PAPSS1: variants seen among roughly 807,000 people sequenced by gnomAD.
PAPSS1 encodes 3'-phosphoadenosine 5'-phosphosulfate synthase 1.
In PAPSS1, 50 loss-of-function variants were observed where a neutral mutation model predicts 72.0. The observed-to-expected ratio is 0.69, with a 90% CI of 0.55 to 0.88. The LOEUF (loss-of-function observed/expected upper bound fraction) is 0.88. PAPSS1 is among the 40% of genes least tolerant of loss of function. The pLI, the probability that PAPSS1 is intolerant of heterozygous loss-of-function variation, is 0.00. For synonymous variants in PAPSS1, 261 were observed against 263.6 expected, an observed-to-expected ratio of 0.99 and a Z score of 0.09; for missense variants, 657 against 782.2, an observed-to-expected ratio of 0.84 and a Z score of 1.91.
chr4:107,655,663 C>A (rs930342048), intron 7 of PAPSS1, among the ~76,000 whole-genome samples: 4 of 152,160 alleles, frequency 2.6e-5, no homozygotes, highest in African/African-American at 9.7e-5. Flanking sequence ...TTTTGGACAT[C>A]ATGGCATATC....
Position 107,614,287 on chromosome 4 carries a change from C to G in PAPSS1, c.1837G>C (p.Val613Leu). The G allele has an allele frequency of 6.2e-7, 1 of 1,613,892 alleles. No homozygotes were observed. The highest frequency in any genetic ancestry group is 8.5e-7 in the Non-Finnish European group (1 of 1,179,850). The change falls in exon 12 of 12, where the codon GTG becomes CTG. Residue 613 changes from valine (V) to leucine (L), a missense_variant. By Grantham distance (32) the Val-to-Leu change is conservative (BLOSUM62 1). Coordinates refer to ENST00000265174, the MANE Select transcript of PAPSS1 (RefSeq NM_005443.5). ...EGFMAPKAWT[V>L]LTEYYKSLEK... ...AAGGATTTGTAGTATTCTGTCAGCA[C>G]GGTCCAAGCCTTGGGAGCCATGAAA...
At chr4:107,654,636 A>C in intron 8 of PAPSS1, 59 bp downstream of exon 8, 1 of 1,389,528 alleles carries the variant, frequency 7.2e-7, no homozygotes, top group Non-Finnish European at 1.0e-6. Context: ...AAATGCCCAC[A>C]TTTCAGCACA....
rs927531914 is a variant in PAPSS1 at position 107,634,953 on chromosome 4, A to T, written c.1507-3093T>A. Among the ~76,000 whole-genome samples, 13 of 151,258 alleles carry T rather than the reference A, an allele frequency of 8.6e-5. No individual in the cohort carries two copies. In the East Asian group the frequency reaches 1.6e-3, roughly 18 times the overall value. On this transcript the variant is annotated intron_variant, in intron 10 of 11. Coordinates refer to ENST00000265174, the MANE Select transcript of PAPSS1 (RefSeq NM_005443.5). Reference sequence around the variant, plus strand: ...GCTGGGACTACAGGCGCCCGCTACCACGCCCAGCTAATTTTTTTGTATTTT... The same window carrying T: ...GCTGGGACTACAGGCGCCCGCTACCTCGCCCAGCTAATTTTTTTGTATTTT...
At chr4:107,619,560 A>T (rs560339100) in intron 11 of PAPSS1, among the ~76,000 whole-genome samples, 5 of 151,472 alleles carry the variant, frequency 3.3e-5, no homozygotes, top group African/African-American at 4.9e-5. Context: ...TATTTTACAG[A>T]AATAACTAAA....
At position 107,685,753 on chromosome 4, in the gene PAPSS1, T is replaced by A. The variant is rs142827193; in HGVS notation, c.550+1286A>T. 1.5e-3 allele frequency among the ~76,000 whole-genome samples: 232 copies of A among 152,292 alleles called. 1 individual carries two copies. Among genetic ancestry groups the A allele is most frequent in the Non-Finnish European group, 2.5e-3 (170 of 68,030 alleles). ...GAACCTGACCTAATTGCCAAAGCAT[T>A]CCCAGGTTCAAATACAGAAGAACCC... On this transcript the variant is annotated intron_variant, in intron 4 of 11. Transcript: ENST00000265174.
intron 1 of PAPSS1, among the ~76,000 whole-genome samples, chr4:107,701,738 A>G (rs549049992): frequency 6.6e-6 from 1 of 152,354 alleles, no homozygotes; most frequent in Non-Finnish European, 1.5e-5. Context: ...TAAACCAATA[A>G]AACTTAACTA....
intron 11 of PAPSS1, among the ~76,000 whole-genome samples, chr4:107,615,212 C>A (rs527844993): frequency 6.6e-6 from 1 of 152,186 alleles, no homozygotes; most frequent in African/African-American, 2.4e-5. Flanking sequence ...GCCCTCAAAC[C>A]AGTAAGCACA....
intron 1 of PAPSS1, among the ~76,000 whole-genome samples, chr4:107,712,391 G>A (rs1723516888): frequency 6.6e-6 from 1 of 152,186 alleles, no homozygotes; most frequent in African/African-American, 2.4e-5. Context: ...ACACAGTGAG[G>A]CATTCACCAC....
At chr4:107,682,224 G>A in intron 4 of PAPSS1, 91 bp from the exon 5 acceptor site, 2 of 612,188 alleles carry the variant, frequency 3.3e-6, no homozygotes, top group Non-Finnish European at 5.7e-6. Flanking sequence ...ATTGAAGTTA[G>A]TATCTGCGCT....
intron 2 of PAPSS1, among the ~76,000 whole-genome samples, chr4:107,698,383 C>T (rs1723122954): frequency 6.6e-6 from 1 of 152,196 alleles, no homozygotes. Context: ...GAATACTGCA[C>T]ACATCAGGTG....
intron 11 of PAPSS1, among the ~76,000 whole-genome samples, chr4:107,620,313 T>A (rs1437269661): frequency 6.6e-6 from 1 of 152,210 alleles, no homozygotes; most frequent in Non-Finnish European, 1.5e-5. Context: ...ACATTAAGCA[T>A]TCTTAAGACT....
At chr4:107,683,990 C>T (rs56396433) in intron 4 of PAPSS1, among the ~76,000 whole-genome samples, 43,165 of 141,176 alleles carry the variant, frequency 0.31, 7,306 homozygotes, top group Middle Eastern at 0.53. Context: ...ACACATTAAC[C>T]TAAGGAACAT....
At chr4:107,615,050 G>A (rs1466240311) in intron 11 of PAPSS1, among the ~76,000 whole-genome samples, 1 of 150,494 alleles carries the variant, frequency 6.6e-6, no homozygotes, top group Non-Finnish European at 1.5e-5. Flanking sequence ...AATCTGAAAG[G>A]CTAAATTAAT....
intron 3 of PAPSS1, among the ~76,000 whole-genome samples, chr4:107,693,093 C>T (rs1157234204): frequency 6.6e-6 from 1 of 152,010 alleles, no homozygotes; most frequent in African/African-American, 2.4e-5. Flanking sequence ...CCATGGCACA[C>T]GTTTACCAAT....
chr4:107,706,694 T>C (rs1207035690), intron 1 of PAPSS1, among the ~76,000 whole-genome samples: 1 of 152,214 alleles, frequency 6.6e-6, no homozygotes, highest in Admixed American at 6.5e-5. Flanking sequence ...CATTTCTTGT[T>C]GTCTTATATC....
chr4:107,648,149 A>G (rs1255290843), intron 9 of PAPSS1, among the ~76,000 whole-genome samples: 3 of 152,188 alleles, frequency 2.0e-5, no homozygotes, highest in East Asian at 1.9e-4. Flanking sequence ...CCAGGAGCCA[A>G]TACACTAAGG....
intron 10 of PAPSS1, among the ~76,000 whole-genome samples, chr4:107,643,174 T>G (rs1272014998): frequency 6.6e-6 from 1 of 152,136 alleles, no homozygotes; most frequent in East Asian, 1.9e-4. Context: ...AAAGAGTATA[T>G]GCGGTATGAT....
At chr4:107,645,515 A>G (rs1334457870) in intron 9 of PAPSS1, among the ~76,000 whole-genome samples, 2 of 152,216 alleles carry the variant, frequency 1.3e-5, no homozygotes, top group East Asian at 3.8e-4. Flanking sequence ...AGAGAAATAT[A>G]TTTGTAGTTT....
At chr4:107,626,853 C>A (rs1160696262) in intron 11 of PAPSS1, among the ~76,000 whole-genome samples, 1 of 152,056 alleles carries the variant, frequency 6.6e-6, no homozygotes, top group African/African-American at 2.4e-5. Flanking sequence ...TATTTTTGAA[C>A]ACAAACACAA....
Sources: gnomAD v4.1 joint callset for allele counts (sites outside exome capture counted in the v4.1 genomes callset) on GRCh38, gnomAD v4.1.1 for gene constraint, MANE v1.5 for transcripts, NCBI Gene and HGNC (gene_info 2026-07-23, HGNC 2026-07-21) for gene names.